Variants in PCDH9 observed in about 807,000 individuals in gnomAD.
PCDH9 encodes the protein protocadherin 9.
PCDH9 carries 24 observed loss-of-function variants against 70.6 expected under a neutral mutation model. That is an observed-to-expected ratio of 0.34 (90% CI 0.25 to 0.48). The LOEUF (loss-of-function observed/expected upper bound fraction) is 0.48, where lower values mean the gene tolerates loss of function less well. PCDH9 is among the 20% of genes least tolerant of loss of function. The pLI, the probability that PCDH9 is intolerant of heterozygous loss-of-function variation, is 0.99. For missense variants in PCDH9, 1,281 were observed against 1,503.6 expected (o/e 0.85, Z 2.45); for synonymous variants, 562 against 558.5 (o/e 1.01, Z -0.09).
intron 4 of PCDH9, among the ~76,000 whole-genome samples, chr13:66,341,610 A>T (rs1956126506): frequency 6.6e-6 from 1 of 152,152 alleles, no homozygotes; most frequent in African/African-American, 2.4e-5. Context: ...AGAAACACCG[A>T]CCTAATTAAT....
At chr13:67,163,287 C>G (rs936995376) in intron 2 of PCDH9, among the ~76,000 whole-genome samples, 1 of 152,188 alleles carries the variant, frequency 6.6e-6, no homozygotes, top group African/African-American at 2.4e-5. Flanking sequence ...AAGCTACTCT[C>G]AGGCATAATA....
chr13:66,725,465 T>C (rs1430716493), intron 3 of PCDH9, among the ~76,000 whole-genome samples: 1 of 152,174 alleles, frequency 6.6e-6, no homozygotes, highest in Admixed American at 6.5e-5. Context: ...CTTTTAATTT[T>C]TTTCCCAAGA....
chr13:67,022,562 A>G (rs12427923), intron 2 of PCDH9, among the ~76,000 whole-genome samples: 33,281 of 152,194 alleles, frequency 0.22, 3,989 homozygotes, highest in Admixed American at 0.27. Context: ...GAACTATTCA[A>G]TACTTTCACA....
chr13:66,628,547 G>C (rs1317358961), intron 4 of PCDH9, among the ~76,000 whole-genome samples: 1 of 152,108 alleles, frequency 6.6e-6, no homozygotes, highest in Non-Finnish European at 1.5e-5. Flanking sequence ...TGTTTCCCAG[G>C]CTGGAGTGCA....
intron 3 of PCDH9, among the ~76,000 whole-genome samples, chr13:66,786,930 A>G (rs2080089388): frequency 1.3e-5 from 2 of 152,348 alleles, no homozygotes; most frequent in Admixed American, 1.3e-4. Flanking sequence ...GAGATGTCGA[A>G]GCATTGCACT....
intron 2 of PCDH9, among the ~76,000 whole-genome samples, chr13:67,025,941 G>A (rs751058385): frequency 6.6e-6 from 1 of 151,918 alleles, no homozygotes; most frequent in Non-Finnish European, 1.5e-5. Context: ...AGCTGATTTG[G>A]GGCCTACTCT....
intron 2 of PCDH9, among the ~76,000 whole-genome samples, chr13:66,999,549 T>C (rs1232605104): frequency 6.6e-6 from 1 of 151,620 alleles, no homozygotes; most frequent in Non-Finnish European, 1.5e-5. Flanking sequence ...ACAGGCAACC[T>C]ACAAAATGGG....
At chr13:66,913,996 C>T (rs2082515874) in intron 2 of PCDH9, among the ~76,000 whole-genome samples, 1 of 151,778 alleles carries the variant, frequency 6.6e-6, no homozygotes, top group South Asian at 2.1e-4. Flanking sequence ...GCTTTGAATA[C>T]CTTTTGGAAT....
At chr13:67,195,289 C>T (rs1028630620) in intron 2 of PCDH9, among the ~76,000 whole-genome samples, 1 of 151,932 alleles carries the variant, frequency 6.6e-6, no homozygotes, top group African/African-American at 2.4e-5. Context: ...GGACTACAGG[C>T]GCCCTCCACC....
intron 3 of PCDH9, among the ~76,000 whole-genome samples, chr13:66,899,475 C>CAAA (rs1300471757): frequency 2.0e-5 from 3 of 151,978 alleles, no homozygotes; most frequent in African/African-American, 7.2e-5. Flanking sequence ...AAAATTCATA[C>CAAA]ACTGAACACT....
At chr13:66,628,027 T>C (rs2077521316) in intron 4 of PCDH9, among the ~76,000 whole-genome samples, 1 of 152,188 alleles carries the variant, frequency 6.6e-6, no homozygotes, top group South Asian at 2.1e-4. Flanking sequence ...TTTTCCCTTT[T>C]CTATGATTGG....
intron 2 of PCDH9, among the ~76,000 whole-genome samples, chr13:67,163,029 A>G (rs2088006379): frequency 6.6e-6 from 1 of 152,204 alleles, no homozygotes; most frequent in African/African-American, 2.4e-5. Flanking sequence ...ACAATTAATT[A>G]ATCACCATAT....
At chr13:66,585,205 C>T (rs2076946367) in intron 4 of PCDH9, among the ~76,000 whole-genome samples, 2 of 151,930 alleles carry the variant, frequency 1.3e-5, no homozygotes, top group South Asian at 2.1e-4. Flanking sequence ...TTATTAAATG[C>T]ATATATGCAT....
At position 66,910,337 on chromosome 13, in the gene PCDH9, C is replaced by T. The variant is rs117945890; in HGVS notation, c.3037-6732G>A. 3.2e-3 allele frequency among the ~76,000 whole-genome samples: 479 copies of T among 151,014 alleles called. 8 individuals are homozygous for T. The highest frequency in any genetic ancestry group is 0.025 in the East Asian group (130 of 5,138). On this transcript the variant is annotated intron_variant, in intron 2 of 4. Transcript: ENST00000377865. ...CCATTAAATAGACCAGTTGGCTTCC[C>T]TTAGTTATAGTTCCATGTGATCAAG...
rs2080128092 is a variant in PCDH9 at position 66,789,365 on chromosome 13, A to G, written c.3138+114139T>C. ...GGCCATTAACATTGCAAGAACTTCTATTTCAATTAGTTTCTGTTGTCTTAG... is the reference window on the plus strand; with the variant it reads ...GGCCATTAACATTGCAAGAACTTCTGTTTCAATTAGTTTCTGTTGTCTTAG... On this transcript the variant is annotated intron_variant, in intron 3 of 4. Transcript: ENST00000377865. Among the ~76,000 whole-genome samples, 5 of 152,150 alleles carry G rather than the reference A, an allele frequency of 3.3e-5. No individual in the cohort carries two copies. In the South Asian group the frequency reaches 6.2e-4, roughly 19 times the overall value.
intron 4 of PCDH9, among the ~76,000 whole-genome samples, chr13:66,418,902 G>C (rs978737652): frequency 1.2e-4 from 19 of 152,104 alleles, no homozygotes; most frequent in African/African-American, 4.6e-4. Context: ...AAATGATAAA[G>C]GGGAGATCAC....
In PCDH9 at chr13:66,654,756, G is replaced by A. The variant is rs143559256; in HGVS notation, c.3139-23345C>T. On this transcript the variant is annotated intron_variant, in intron 3 of 4. Transcript: ENST00000377865. ...ACTCTCTCACTGTCACCCAAGCTGG[G>A]TGCAGTGGCATGACGACCTCAGCTC... is the stretch of plus-strand genomic sequence containing the variant. 2.9e-3 allele frequency among the ~76,000 whole-genome samples: 438 copies of A among 152,250 alleles called. 12 individuals are homozygous for A. In the East Asian group the frequency reaches 0.069, roughly 24 times the overall value.
At chr13:66,471,022 G>A (rs1354814461) in intron 4 of PCDH9, among the ~76,000 whole-genome samples, 2 of 151,484 alleles carry the variant, frequency 1.3e-5, no homozygotes, top group South Asian at 4.2e-4. Context: ...GTTAAGATCT[G>A]ATTAGAATCA....
intron 4 of PCDH9, among the ~76,000 whole-genome samples, chr13:66,391,008 G>T (rs1306113813): frequency 1.3e-5 from 2 of 152,052 alleles, no homozygotes; most frequent in Admixed American, 1.3e-4. Context: ...TTGTTTTTCA[G>T]TCCTTTTAGA....
Sources: allele counts gnomAD v4.1 joint callset (sites outside exome capture counted in the v4.1 genomes callset), GRCh38; gene constraint gnomAD v4.1.1; transcripts MANE v1.5; gene names NCBI Gene and HGNC (gene_info 2026-07-23, HGNC 2026-07-21).